The following SARS1 variants were observed in gnomAD, a reference collection of about 807,000 sequenced individuals.
SARS1 encodes seryl-tRNA synthetase 1, also known as serine--tRNA ligase, cytoplasmic.
A neutral mutation model predicts 63.7 loss-of-function variants in SARS1; 25 were observed. The ratio of observed to expected loss-of-function variants is 0.39; its 90% CI spans 0.29 to 0.55. The LOEUF (loss-of-function observed/expected upper bound fraction) is 0.55. SARS1 is among the 20% of genes least tolerant of loss of function. SARS1 has a pLI of 0.62. For synonymous variants in SARS1, 231 were observed against 243.5 expected, an observed-to-expected ratio of 0.95 and a Z score of 0.48; for missense variants, 417 against 649.7, an observed-to-expected ratio of 0.64 and a Z score of 3.89.
At chr1:109,233,800 G>A (rs1655253918) in intron 6 of SARS1, among the ~76,000 whole-genome samples, 1 of 148,640 alleles carries the variant, frequency 6.7e-6, no homozygotes, top group Non-Finnish European at 1.5e-5. Context: ...GGGTTCAAGT[G>A]ATTCTCATGC....
chr1:109,230,922 C>T lies in SARS1; in HGVS notation c.492C>T (p.Val164=), dbSNP rs1655196395. ...KVERIWGDCT[V]RKKYSHVDLV... ...AGAGGATTTGGGGTGATTGTACAGT[C>T]AGGAAGAAGTACTCTCATGTGGACC... The change falls in exon 5 of 11, where the codon GTC becomes GTT. Residue 164 remains valine (V), a synonymous_variant. Transcript: ENST00000234677. The T allele has an allele frequency of 6.2e-7, 1 of 1,602,370 alleles. No individual in the cohort carries two copies. Among genetic ancestry groups the T allele is most frequent in the Non-Finnish European group, 8.5e-7 (1 of 1,173,856 alleles).
chr1:109,236,275 G>T lies in SARS1; in HGVS notation c.1100-116G>T. On this transcript the variant is annotated intron_variant, in intron 8 of 10. Coordinates refer to ENST00000234677, the MANE Select transcript of SARS1 (RefSeq NM_006513.4). ...AGTATTTGGTGTTAAGAATATCTGG[G>T]TGTGATTTCACCTCTGGAGACAGGA... is the stretch of plus-strand genomic sequence containing the variant. The T allele has an allele frequency of 2.3e-6, 3 of 1,310,080 alleles. No homozygotes were observed. The South Asian group carries it at 4.2e-5, about 18-fold the overall frequency. 81.2% of individuals were successfully genotyped at this position (1,310,080 alleles called of 1,614,324 possible).
chr1:109,214,585 C>A lies in SARS1; in HGVS notation c.136+457C>A. ...TCCTGAGACTGCGTCACTTCTGCAACACAGTAGATTCATTCCTTCGGTATC... is the reference window on the plus strand; with the variant it reads ...TCCTGAGACTGCGTCACTTCTGCAAAACAGTAGATTCATTCCTTCGGTATC... On this transcript the variant is annotated intron_variant, in intron 1 of 10. Coordinates refer to ENST00000234677, the MANE Select transcript of SARS1 (RefSeq NM_006513.4). The surrounding 1 kb of genome is among the most constrained non-coding windows in gnomAD (Gnocchi z 4.6). 1.0e-6 allele frequency: 1 copy of A among 987,488 alleles called. No individual in the cohort carries two copies. The highest frequency in any genetic ancestry group is 1.2e-6 in the Non-Finnish European group (1 of 831,114). The allele number at this position is 987,488 out of a possible 1,614,324, so 61.2% of individuals were successfully genotyped here.
chr1:109,233,776 A>C (rs1398624390), intron 6 of SARS1, among the ~76,000 whole-genome samples: 5 of 151,350 alleles, frequency 3.3e-5, no homozygotes, highest in African/African-American at 1.2e-4. Context: ...GGCTCACTGC[A>C]ACCTCTGCCT....
intron 1 of SARS1, among the ~76,000 whole-genome samples, chr1:109,222,813 C>A (rs1654978865): frequency 6.6e-6 from 1 of 152,036 alleles, no homozygotes; most frequent in South Asian, 2.1e-4. Context: ...AATTTGAGAC[C>A]AGCCTGGGCA....
chr1:109,216,384 A>T (rs552885072), intron 1 of SARS1: 400 of 985,298 alleles, frequency 4.1e-4, no homozygotes, highest in Non-Finnish European at 4.8e-4. Context: ...ACTTGGAGTG[A>T]TAATACCACA....
chr1:109,218,612 C>T (rs1469079933), intron 1 of SARS1, among the ~76,000 whole-genome samples: 3 of 152,114 alleles, frequency 2.0e-5, no homozygotes, highest in African/African-American at 7.2e-5. Context: ...GCCTTCCTGG[C>T]CTCGCTGTCT....
At position 109,214,175 on chromosome 1, in the gene SARS1, T is replaced by C; in HGVS notation, c.136+47T>C. 2 of 1,594,218 alleles carry C rather than the reference T, an allele frequency of 1.3e-6. No homozygotes were observed. Among genetic ancestry groups the C allele is most frequent in the Non-Finnish European group, 1.7e-6 (2 of 1,169,438 alleles). On this transcript the variant is annotated intron_variant, in intron 1 of 10. Transcript: ENST00000234677. The surrounding 1 kb of genome is among the most constrained non-coding windows in gnomAD (Gnocchi z 4.6). Reference sequence around the variant, plus strand: ...TTACCTCCTTGATGCTAAACCCAATTTTCTCTCTCAAATCCAGCCACCGCT... The same window carrying C: ...TTACCTCCTTGATGCTAAACCCAATCTTCTCTCTCAAATCCAGCCACCGCT...
chr1:109,231,006 A>C lies in SARS1; in HGVS notation c.576A>C (p.Arg192=). Residue 192 remains arginine (R), a synonymous_variant, in exon 5 of 11, where the codon CGA becomes CGC. Transcript: ENST00000234677. ...AGGGGGCCGTGGTGGCTGGGAGTCGAGGGTACTTCTTGAAGGTAAGAGCTG... is the reference window on the plus strand; with the variant it reads ...AGGGGGCCGTGGTGGCTGGGAGTCGCGGGTACTTCTTGAAGGTAAGAGCTG... The part of the protein sequence containing the change: ...GEKGAVVAGS[R]GYFLKGVLVF... 1.3e-6 allele frequency: 2 copies of C among 1,516,020 alleles called. 1 individual carries two copies. Among genetic ancestry groups the C allele is most frequent in the Admixed American group, 4.1e-5 (2 of 48,426 alleles). The allele number at this position is 1,516,020 out of a possible 1,614,324, so 93.9% of individuals were successfully genotyped here.
In SARS1 at chr1:109,228,352, A is replaced by C. The variant is rs750312543; in HGVS notation, c.208A>C (p.Lys70Gln). The C allele has an allele frequency of 6.2e-7, 1 of 1,609,944 alleles. No individual in the cohort carries two copies. The highest frequency in any genetic ancestry group is 1.1e-5 in the South Asian group (1 of 90,018). Reference protein sequence around the residue: ...CSKTIGEKMKKKEPVGDDESV... With the variant: ...CSKTIGEKMKQKEPVGDDESV... ...TGTTGGGTTTTTTTCCTTCCTGCAG[A>C]AAAAAGAGCCAGTGGGAGATGATGA... Residue 70 changes from lysine (K) to glutamine (Q), a missense_variant and splice_region_variant, in exon 3 of 11, where the codon AAA becomes CAA. Around this residue, in one of 3 missense-constraint regions of SARS1, gnomAD observed 359 missense variants for 529.6 expected, o/e 0.68. Transcript: ENST00000234677.
chr1:109,219,510 G>A (rs1282749770), intron 1 of SARS1, among the ~76,000 whole-genome samples: 1 of 150,604 alleles, frequency 6.6e-6, no homozygotes, highest in Non-Finnish European at 1.5e-5. Context: ...TTTGCATATG[G>A]CTTCTTTCTT....
At chr1:109,228,318 A>G (rs768889247) in intron 2 of SARS1, 34 bp from the exon 3 acceptor site, 18 of 1,486,044 alleles carry the variant, frequency 1.2e-5, no homozygotes, top group Middle Eastern at 1.7e-4. Context: ...ATTTTCTTTT[A>G]TTTATTTGTG....
intron 2 of SARS1, among the ~76,000 whole-genome samples, chr1:109,224,437 T>C (rs759876750): frequency 6.6e-6 from 1 of 152,212 alleles, no homozygotes; most frequent in Non-Finnish European, 1.5e-5. Flanking sequence ...GTTATGTGTC[T>C]TTTAGGCAAG....
chr1:109,228,544 T>C (rs1655140011), intron 3 of SARS1, 112 bp downstream of exon 3: 1 of 709,726 alleles, frequency 1.4e-6, no homozygotes, highest in Non-Finnish European at 2.4e-6. Flanking sequence ...ATCCTTTCAT[T>C]TCTGCTGCTG....
Position 109,237,480 on chromosome 1 carries a change from C to T in SARS1, c.1387+107C>T. 6.7e-7 allele frequency: 1 copy of T among 1,503,742 alleles called. No individual in the cohort carries two copies. The highest frequency in any genetic ancestry group is 9.1e-7 in the Non-Finnish European group (1 of 1,097,472). The allele number at this position is 1,503,742 out of a possible 1,614,324, so 93.1% of individuals were successfully genotyped here. ...CCAGGTTTTTTTGTTCAGACACAGC[C>T]CCTGAAACTCTGTCTGCCCTCTCGG... On this transcript the variant is annotated intron_variant, in intron 10 of 10. Coordinates refer to ENST00000234677, the MANE Select transcript of SARS1 (RefSeq NM_006513.4). This position sits in a 1 kb window ranked among gnomAD's most constrained non-coding sequence, Gnocchi z 4.1.
chr1:109,223,290 ACT>A (rs942973185), intron 1 of SARS1, among the ~76,000 whole-genome samples: 1 of 152,100 alleles, frequency 6.6e-6, no homozygotes, highest in Non-Finnish European at 1.5e-5. Flanking sequence ...TCATGACTGC[ACT>A]CTCTATAGAT....
rs950838639 is a variant in SARS1, at chr1:109,229,511, T to C, written c.386T>C (p.Phe129Ser). 2.5e-6 allele frequency: 4 copies of C among 1,614,196 alleles called. No homozygotes were observed. Among genetic ancestry groups the C allele is most frequent in the East Asian group, 2.2e-5 (1 of 44,880 alleles). The change falls in exon 4 of 11, where the codon TTT becomes TCT. Residue 129 changes from phenylalanine (F) to serine (S), a missense_variant. Phe to Ser is a radical substitution (Grantham distance 155). This residue lies in a region of SARS1 where 359 missense variants were observed against 529.6 expected (regional missense o/e 0.68). Transcript: ENST00000234677. ...AERIKLEAER[F>S]ENLREIGNLL... is the part of the protein sequence containing the mutation. ...CGGATAAAGTTGGAAGCAGAGCGGT[T>C]TGAGAACCTCCGAGAGATTGGGAAC... is the stretch of plus-strand genomic sequence containing the variant.
intron 1 of SARS1, among the ~76,000 whole-genome samples, chr1:109,220,506 G>A (rs1036783725): frequency 2.6e-5 from 4 of 152,152 alleles, no homozygotes; most frequent in Non-Finnish European, 5.9e-5. Flanking sequence ...GATGGCATTT[G>A]GATAGCCTAT....
At chr1:109,216,043 T>A in intron 1 of SARS1, 1 of 985,374 alleles carries the variant, frequency 1.0e-6, no homozygotes, top group Non-Finnish European at 1.2e-6. Flanking sequence ...TTGATTCTTT[T>A]CTATTTGACA....
Sources: gnomAD v4.1 joint callset for allele counts (sites outside exome capture counted in the v4.1 genomes callset) on GRCh38, gnomAD v4.1.1 for gene constraint, gnomAD v4.1.1 regional missense constraint, Gnocchi (gnomAD v3.1) non-coding constraint, MANE v1.5 for transcripts, NCBI Gene and HGNC (gene_info 2026-07-23, HGNC 2026-07-21) for gene names.